The following ANKRD28 variants were observed in gnomAD, a reference collection of about 807,000 sequenced individuals.
The protein encoded by ANKRD28 is serine/threonine-protein phosphatase 6 regulatory ankyrin repeat subunit A.
A neutral mutation model predicts 126.5 loss-of-function variants in ANKRD28; 44 were observed. That is an observed-to-expected ratio of 0.35 (90% CI 0.27 to 0.45). The LOEUF (loss-of-function observed/expected upper bound fraction) is 0.45, where lower values mean the gene tolerates loss of function less well. Among genes scored for constraint, ANKRD28 ranks in the 20% least tolerant of loss-of-function variants. The probability of loss-of-function intolerance (pLI) is 1.00; values close to 1 mark genes in which losing one functional copy is unlikely to be tolerated. For missense variants in ANKRD28, 1,110 were observed against 1,316.6 expected (o/e 0.84, Z 2.43); for synonymous variants, 442 against 468.5 (o/e 0.94, Z 0.73).
intron 14 of ANKRD28, among the ~76,000 whole-genome samples, chr3:15,701,590 G>A (rs1281468117): frequency 6.6e-6 from 1 of 152,068 alleles, no homozygotes; most frequent in Admixed American, 6.6e-5. Flanking sequence ...GTTGCAGTAA[G>A]CTGAGATTGC....
chr3:15,688,385 G>T (rs1160827425), intron 18 of ANKRD28, among the ~76,000 whole-genome samples: 1 of 152,148 alleles, frequency 6.6e-6, no homozygotes, highest in Non-Finnish European at 1.5e-5. Flanking sequence ...AGCCTCCCAA[G>T]TTAGGTGGGA....
At chr3:15,821,554 T>C (rs2060942083) in intron 1 of ANKRD28, among the ~76,000 whole-genome samples, 1 of 152,120 alleles carries the variant, frequency 6.6e-6, no homozygotes, top group South Asian at 2.1e-4. Flanking sequence ...CAAATCTCCA[T>C]CCCTTCACAA....
chr3:15,793,342 G>A (rs1360527841), intron 2 of ANKRD28, among the ~76,000 whole-genome samples: 1 of 152,156 alleles, frequency 6.6e-6, no homozygotes, highest in African/African-American at 2.4e-5. Context: ...AAAGGGTCAC[G>A]AGAGAAAAGG....
chr3:15,831,066 C>CTCTG (rs1196755695), intron 1 of ANKRD28, among the ~76,000 whole-genome samples: 1 of 152,148 alleles, frequency 6.6e-6, no homozygotes, highest in Non-Finnish European at 1.5e-5. Flanking sequence ...TCTCCTGGAC[C>CTCTG]TCTGTCCTAT....
intron 2 of ANKRD28, among the ~76,000 whole-genome samples, chr3:15,773,901 C>T (rs1043257592): frequency 6.6e-6 from 1 of 152,134 alleles, no homozygotes; most frequent in African/African-American, 2.4e-5. Context: ...TTGGGGGCCT[C>T]ACGCTGTTTG....
At position 15,679,345 on chromosome 3, in the gene ANKRD28, A is replaced by G. The variant is rs748628920; in HGVS notation, c.2517T>C (p.Asp839=). The G allele has an allele frequency of 5.0e-6, 8 of 1,614,012 alleles. No homozygotes were observed. In the East Asian group the frequency reaches 6.7e-5, roughly 13 times the overall value. ...CGTTCACAATGCTGGCACCTAATGT[A>G]TCAATTAACATCTCAGCAGCACCTT... ...DNEGAAEMLI[D]TLGASIVNAT... is the part of the protein sequence containing the mutation. The change falls in exon 23 of 28, where the codon GAT becomes GAC. Residue 839 remains aspartate, a synonymous_variant. Coordinates refer to ENST00000683139, the MANE Select transcript of ANKRD28 (RefSeq NM_001349278.2).
chr3:15,767,782 G>A (rs1392292939), intron 2 of ANKRD28, among the ~76,000 whole-genome samples: 3 of 145,984 alleles, frequency 2.1e-5, no homozygotes, highest in Non-Finnish European at 3.0e-5. Flanking sequence ...TGGCTACTTG[G>A]GAGGCTGAGG....
intron 2 of ANKRD28, among the ~76,000 whole-genome samples, chr3:15,780,932 A>T (rs549586349): frequency 6.6e-6 from 1 of 152,256 alleles, no homozygotes; most frequent in Admixed American, 6.5e-5. Flanking sequence ...AAAATACATT[A>T]AAGACTTAAA....
At chr3:15,692,763 A>C (rs1423953688) in intron 17 of ANKRD28, among the ~76,000 whole-genome samples, 1 of 152,240 alleles carries the variant, frequency 6.6e-6, no homozygotes, top group Non-Finnish European at 1.5e-5. Flanking sequence ...CATTAAGCCT[A>C]ATCACTAAAT....
chr3:15,826,172 T>C (rs2125922368), intron 1 of ANKRD28, among the ~76,000 whole-genome samples: 1 of 152,346 alleles, frequency 6.6e-6, no homozygotes, highest in Admixed American at 6.5e-5. Context: ...AACTAGAAGA[T>C]ACCTAACTAT....
chr3:15,804,331 G>C lies in ANKRD28; in HGVS notation c.28-9025C>G, dbSNP rs1205535390. Reference sequence around the variant, plus strand: ...GCATATGAAGTTATTAATTGTAACTGACATATACAGATACCTTCTAACTGT... The same window carrying C: ...GCATATGAAGTTATTAATTGTAACTCACATATACAGATACCTTCTAACTGT... On this transcript the variant is annotated intron_variant, in intron 1 of 27. Transcript: ENST00000399451. 1.4e-5 allele frequency among the ~76,000 whole-genome samples: 2 copies of C among 144,538 alleles called. 1 individual carries two copies. The highest frequency in any genetic ancestry group is 3.0e-5 in the Non-Finnish European group (2 of 66,886). 94.8% of individuals were successfully genotyped at this position (144,538 alleles called of 152,430 possible).
At chr3:15,685,635 T>C (rs2068021690) in intron 20 of ANKRD28, among the ~76,000 whole-genome samples, 190 bp from the exon 21 acceptor site, 1 of 152,096 alleles carries the variant, frequency 6.6e-6, no homozygotes, top group Non-Finnish European at 1.5e-5. Context: ...CAAGAACCCT[T>C]CTAAAATGCA....
rs1481720676 is a variant in ANKRD28, at chr3:15,667,849, T to C, written c.*2421A>G. ...GATGCAGGATAGAAGTTCTGGTGTA[T>C]GTGATAAATTAAAAACAGCTTGTCA... is the stretch of plus-strand genomic sequence containing the variant. On this transcript the variant is annotated 3_prime_UTR_variant, in exon 28 of 28. Transcript: ENST00000683139. 1.1e-4 allele frequency: 16 copies of C among 152,226 alleles called. No homozygotes were observed. Among genetic ancestry groups the C allele is most frequent in the African/African-American group, 3.4e-4 (14 of 41,456 alleles). The allele number at this position is 152,226 out of a possible 1,614,324, so 9.4% of individuals were successfully genotyped here.
Position 15,737,093 on chromosome 3 carries a change from G to A in ANKRD28, c.492C>T (p.Asn164=), listed in dbSNP as rs758870866. The A allele has an allele frequency of 9.3e-6, 15 of 1,613,916 alleles. No homozygotes were observed. The highest frequency in any genetic ancestry group is 2.2e-5 in the East Asian group (1 of 44,876). Residue 164 remains asparagine, a synonymous_variant, in exon 5 of 28, where the codon AAC becomes AAT. Coordinates refer to ENST00000683139, the MANE Select transcript of ANKRD28 (RefSeq NM_001349278.2). Reference sequence around the variant, plus strand: ...CAGTCCTCCCTGCTCGATCAGATACGTTTACATTACTCAGAAGAGGTACCA... The same window carrying A: ...CAGTCCTCCCTGCTCGATCAGATACATTTACATTACTCAGAAGAGGTACCA... ...EALVPLLSNV[N]VSDRAGRTAL...
intron 1 of ANKRD28, among the ~76,000 whole-genome samples, chr3:15,807,737 G>C (rs2125873257): frequency 6.6e-6 from 1 of 152,294 alleles, no homozygotes; most frequent in East Asian, 1.9e-4. Context: ...GTCTGAAAAG[G>C]AATCAGGGAG....
intron 2 of ANKRD28, among the ~76,000 whole-genome samples, chr3:15,778,211 G>C (rs1207847258): frequency 6.6e-6 from 1 of 152,084 alleles, no homozygotes. Context: ...TCTGGAGATA[G>C]GAATCTTGTT....
chr3:15,687,771 G>A (rs566949134), intron 18 of ANKRD28, among the ~76,000 whole-genome samples: 168 of 152,230 alleles, frequency 1.1e-3, no homozygotes, highest in Non-Finnish European at 1.9e-3. Flanking sequence ...AAACAGGGTC[G>A]TAACACTTGG....
intron 8 of ANKRD28, among the ~76,000 whole-genome samples, chr3:15,718,331 G>A (rs2073311133): frequency 6.6e-6 from 1 of 152,222 alleles, no homozygotes; most frequent in Non-Finnish European, 1.5e-5. Flanking sequence ...ATCACAGGCT[G>A]TTGCTGTCAA....
At position 15,839,160 on chromosome 3, in the gene ANKRD28, C is replaced by G. The variant is rs898038579; in HGVS notation, c.27+20217G>C. Among the ~76,000 whole-genome samples the G allele has an allele frequency of 4.6e-5, 7 of 152,026 alleles. No homozygotes were observed. Among genetic ancestry groups the G allele is most frequent in the African/African-American group, 1.4e-4 (6 of 41,396 alleles). On this transcript the variant is annotated intron_variant, in intron 1 of 27. Coordinates refer to the ANKRD28 transcript ENST00000399451. This position sits in a 1 kb window ranked among gnomAD's most constrained non-coding sequence, Gnocchi z 4.3. ...GTATCTTTTTGGGGTGATGAAAATACTCTAAAACTGGTTTGTAATGATGAG... is the reference window on the plus strand; with the variant it reads ...GTATCTTTTTGGGGTGATGAAAATAGTCTAAAACTGGTTTGTAATGATGAG...
Sources: allele counts gnomAD v4.1 joint callset (sites outside exome capture counted in the v4.1 genomes callset), GRCh38; gene constraint gnomAD v4.1.1; non-coding constraint Gnocchi (gnomAD v3.1); transcripts MANE v1.5; gene names NCBI Gene and HGNC (gene_info 2026-07-23, HGNC 2026-07-21).